Variants in ASTN1 observed in about 807,000 individuals in gnomAD.
The protein encoded by ASTN1 is astrotactin-1.
In ASTN1, 41 loss-of-function variants were observed where a neutral mutation model predicts 140.7. The observed-to-expected ratio is 0.29, with a 90% CI of 0.23 to 0.38. The LOEUF (loss-of-function observed/expected upper bound fraction) is 0.38. Among genes scored for constraint, ASTN1 ranks in the 10% least tolerant of loss-of-function variants. The pLI, the probability that ASTN1 is intolerant of heterozygous loss-of-function variation, is 1.00. For missense variants in ASTN1, 1,479 were observed against 1,678.8 expected, an observed-to-expected ratio of 0.88 and a Z score of 2.08; for synonymous variants, 640 against 652.2, an observed-to-expected ratio of 0.98 and a Z score of 0.29.
At chr1:177,005,747 C>G (rs1290466319) in intron 8 of ASTN1, among the ~76,000 whole-genome samples, 4 of 151,986 alleles carry the variant, frequency 2.6e-5, no homozygotes, top group Admixed American at 2.6e-4. Context: ...CGCCCGCCAC[C>G]ATGGCACCCG....
intron 16 of ASTN1, among the ~76,000 whole-genome samples, chr1:176,926,880 G>T (rs1670992003): frequency 6.6e-6 from 1 of 152,194 alleles, no homozygotes; most frequent in African/African-American, 2.4e-5. Context: ...ACAAGGACAG[G>T]TCTAGGCTGT....
intron 8 of ASTN1, among the ~76,000 whole-genome samples, chr1:176,998,875 G>A (rs1355055767): frequency 1.3e-5 from 2 of 152,194 alleles, no homozygotes; most frequent in East Asian, 3.9e-4. Flanking sequence ...AATCCCAAAT[G>A]ATGCCACTTT....
intron 8 of ASTN1, among the ~76,000 whole-genome samples, chr1:176,989,087 A>T (rs149405340): frequency 3.9e-5 from 6 of 152,216 alleles, no homozygotes; most frequent in African/African-American, 1.4e-4. Context: ...ACCCAGGAGT[A>T]AAAAGGGGCA....
At chr1:177,161,670 A>G (rs1228406453) in intron 1 of ASTN1, among the ~76,000 whole-genome samples, 1 of 152,212 alleles carries the variant, frequency 6.6e-6, no homozygotes, top group African/African-American at 2.4e-5. Flanking sequence ...TCAGAATGAG[A>G]AGACCCTAGT....
intron 1 of ASTN1, among the ~76,000 whole-genome samples, chr1:177,085,678 GGTT>G (rs1364805641): frequency 6.6e-6 from 1 of 152,148 alleles, no homozygotes; most frequent in Non-Finnish European, 1.5e-5. Flanking sequence ...TGCCTGCCAG[GGTT>G]GTTGTCAGTT....
chr1:177,128,170 T>A (rs1385495076), intron 1 of ASTN1, among the ~76,000 whole-genome samples: 1 of 152,110 alleles, frequency 6.6e-6, no homozygotes, highest in Non-Finnish European at 1.5e-5. Flanking sequence ...TGAAAAGGAG[T>A]CATAACTTAG....
chr1:176,866,280 C>A (rs1029416293), intron 22 of ASTN1, among the ~76,000 whole-genome samples: 2 of 152,126 alleles, frequency 1.3e-5, no homozygotes, highest in Admixed American at 1.3e-4. Context: ...AAAGTGAGGT[C>A]ATGGGAGGGA....
intron 1 of ASTN1, among the ~76,000 whole-genome samples, chr1:177,144,099 G>A (rs367812575): frequency 6.0e-5 from 9 of 150,642 alleles, no homozygotes; most frequent in Non-Finnish European, 1.2e-4. Flanking sequence ...GCTATTACAT[G>A]TTTTCACATG....
intron 8 of ASTN1, among the ~76,000 whole-genome samples, chr1:176,966,514 T>G (rs79745060): frequency 6.6e-6 from 1 of 152,212 alleles, no homozygotes; most frequent in Non-Finnish European, 1.5e-5. Context: ...GGTTTGAGCA[T>G]AGATGCTAAT....
chr1:176,985,391 C>A (rs227999), intron 8 of ASTN1, among the ~76,000 whole-genome samples: 4,125 of 151,874 alleles, frequency 0.027, 172 homozygotes, highest in African/African-American at 0.091. Flanking sequence ...TCCCCTCTTA[C>A]GAGTCCTCAA....
chr1:177,164,554 C>T lies in ASTN1; in HGVS notation c.123G>A (p.Thr41=), dbSNP rs369603010. ...KELECKLKSI[T]VSALPFLREN... is the part of the protein sequence containing the mutation. ...CGCGCAGGAAGGGCAGTGCCGACAC[C>T]GTGATGCTTTTGAGCTTGCACTCCA... Residue 41 remains threonine (T), a synonymous_variant, in exon 1 of 23, where the codon ACG becomes ACA. Coordinates refer to ENST00000361833, the MANE Select transcript of ASTN1 (RefSeq NM_004319.3). The T allele has an allele frequency of 7.4e-6, 12 of 1,613,826 alleles. No homozygotes were observed. Among genetic ancestry groups the T allele is most frequent in the East Asian group, 2.2e-5 (1 of 44,822 alleles).
intron 1 of ASTN1, among the ~76,000 whole-genome samples, chr1:177,158,005 T>C (rs1683310849): frequency 1.3e-5 from 2 of 152,254 alleles, no homozygotes; most frequent in Admixed American, 1.3e-4. Flanking sequence ...TCTAGTCTCC[T>C]GATAATGATT....
At chr1:177,107,466 C>G (rs982203399) in intron 1 of ASTN1, among the ~76,000 whole-genome samples, 5 of 152,172 alleles carry the variant, frequency 3.3e-5, no homozygotes, top group Non-Finnish European at 5.9e-5. Flanking sequence ...TCCAGGATTG[C>G]CACCCACTTT....
At chr1:176,908,894 G>C (rs1670110479) in intron 16 of ASTN1, among the ~76,000 whole-genome samples, 1 of 152,156 alleles carries the variant, frequency 6.6e-6, no homozygotes, top group Admixed American at 6.5e-5. Context: ...AGAACATTTA[G>C]TAGTAAATAA....
At chr1:177,002,962 T>C (rs1674806671) in intron 8 of ASTN1, among the ~76,000 whole-genome samples, 1 of 151,124 alleles carries the variant, frequency 6.6e-6, no homozygotes, top group South Asian at 2.1e-4. Flanking sequence ...GCAGTGAGAT[T>C]AATCGGTAAT....
At chr1:176,926,707 T>C (rs570257512) in intron 16 of ASTN1, among the ~76,000 whole-genome samples, 21 of 152,342 alleles carry the variant, frequency 1.4e-4, no homozygotes, top group African/African-American at 4.8e-4. Flanking sequence ...TAAATGCATA[T>C]AGAAAGATCC....
At chr1:176,883,563 C>T (rs974172437) in intron 19 of ASTN1, among the ~76,000 whole-genome samples, 6 of 152,216 alleles carry the variant, frequency 3.9e-5, no homozygotes, top group African/African-American at 1.4e-4. Context: ...CCCTGCCGTA[C>T]CTCAGCAATA....
chr1:177,094,889 C>G lies in ASTN1; in HGVS notation c.284-33624G>C, dbSNP rs200677936. On this transcript the variant is annotated intron_variant, in intron 1 of 22. Transcript: ENST00000361833. Reference sequence around the variant, plus strand: ...AAGCCTTCATCTTCTTAGAGAATACCTAAGTGATTGTGAAGAGAATATTGG... The same window carrying G: ...AAGCCTTCATCTTCTTAGAGAATACGTAAGTGATTGTGAAGAGAATATTGG... 1.1e-4 allele frequency among the ~76,000 whole-genome samples: 17 copies of G among 152,174 alleles called. No homozygotes were observed. In the East Asian group the frequency reaches 3.3e-3, roughly 29 times the overall value.
intron 2 of ASTN1, among the ~76,000 whole-genome samples, chr1:177,038,170 T>A (rs1676814859): frequency 6.6e-6 from 1 of 152,224 alleles, no homozygotes; most frequent in East Asian, 1.9e-4. Flanking sequence ...CATACCTCCC[T>A]CCTTCAGCTA....
Sources: gnomAD v4.1 joint callset for allele counts (sites outside exome capture counted in the v4.1 genomes callset) on GRCh38, gnomAD v4.1.1 for gene constraint, MANE v1.5 for transcripts, NCBI Gene and HGNC (gene_info 2026-07-23, HGNC 2026-07-21) for gene names.